The following AFF1 variants were observed in gnomAD, a reference collection of about 807,000 sequenced individuals.
AFF1 encodes ALF transcription elongation factor 1, also known as AF4/FMR2 family member 1.
Under a neutral mutation model 121.7 loss-of-function variants are expected in AFF1, and 48 were observed. The observed-to-expected ratio is 0.39, with a 90% CI of 0.31 to 0.50. The LOEUF (loss-of-function observed/expected upper bound fraction) is 0.50. Among genes scored for constraint, AFF1 ranks in the 20% least tolerant of loss-of-function variants. The pLI is 0.76. For missense variants in AFF1, 1,523 were observed against 1,511.7 expected (o/e 1.01, Z -0.12); for synonymous variants, 613 against 563.0 (o/e 1.09, Z -1.26).
intron 4 of AFF1, among the ~76,000 whole-genome samples, chr4:87,062,541 T>C (rs1311189370): frequency 9.8e-5 from 15 of 152,312 alleles, no homozygotes; most frequent in Admixed American, 6.5e-4. Flanking sequence ...ATGTTTTTTT[T>C]CCAAAAGAGT....
At chr4:87,087,347 AC>A (rs1471905505) in intron 5 of AFF1, among the ~76,000 whole-genome samples, 2 of 152,360 alleles carry the variant, frequency 1.3e-5, no homozygotes, top group East Asian at 3.9e-4. Flanking sequence ...GAATAATGCA[AC>A]AGGCCAGTAA....
chr4:87,029,333 C>G lies in AFF1; in HGVS notation c.39-16833C>G, dbSNP rs554170695. ...GTGATAAGAATATGTAAGAGGTTCA[C>G]TCTACCTCCATTTGAAGACAGAGGT... On this transcript the variant is annotated intron_variant, in intron 2 of 20. Coordinates refer to ENST00000395146, the MANE Select transcript of AFF1 (RefSeq NM_001166693.3). Among the ~76,000 whole-genome samples the G allele has an allele frequency of 1.1e-4, 17 of 152,302 alleles. No homozygotes were observed. In the East Asian group the frequency reaches 3.3e-3, roughly 29 times the overall value.
intron 2 of AFF1, among the ~76,000 whole-genome samples, chr4:86,972,417 G>C (rs1723011135): frequency 6.6e-6 from 1 of 152,104 alleles, no homozygotes; most frequent in South Asian, 2.1e-4. Flanking sequence ...TGGCTGGTTA[G>C]AGTAGAGATG....
chr4:87,064,270 A>G (rs562345136), intron 4 of AFF1, among the ~76,000 whole-genome samples: 1 of 152,348 alleles, frequency 6.6e-6, no homozygotes, highest in East Asian at 1.9e-4. Flanking sequence ...GGAAAGGTGT[A>G]AGATTAAACA....
chr4:87,111,004 T>TTATTTTATTTTA (rs1726448490), intron 11 of AFF1, among the ~76,000 whole-genome samples: 1 of 26,156 alleles, frequency 3.8e-5, no homozygotes, highest in African/African-American at 1.2e-4. Flanking sequence ...CTTTATTTTT[T>TTATTTTATTTTA]TTTTTTTATT....
At chr4:87,078,547 G>T (rs894823246) in intron 4 of AFF1, among the ~76,000 whole-genome samples, 29 of 152,162 alleles carry the variant, frequency 1.9e-4, no homozygotes, top group African/African-American at 6.8e-4. Context: ...GACAGTTTTG[G>T]GAGTAAGGGA....
chr4:86,943,250 C>T (rs1370355911), intron 1 of AFF1, among the ~76,000 whole-genome samples: 1 of 152,166 alleles, frequency 6.6e-6, no homozygotes, highest in Non-Finnish European at 1.5e-5. Flanking sequence ...GGTCCATGTG[C>T]ATTGGAGAGC....
intron 12 of AFF1, among the ~76,000 whole-genome samples, chr4:87,120,756 C>T (rs1045945334): frequency 6.6e-6 from 1 of 152,236 alleles, no homozygotes; most frequent in Non-Finnish European, 1.5e-5. Context: ...CCTGCAGATG[C>T]TCCCATCTTC....
chr4:86,991,156 C>CA (rs55706171), intron 2 of AFF1, among the ~76,000 whole-genome samples: 81 of 145,250 alleles, frequency 5.6e-4, no homozygotes, highest in South Asian at 8.9e-4. Flanking sequence ...AAAAACAAAA[C>CA]AAAAAAAAAC....
chr4:86,974,946 C>G (rs1723199584), intron 2 of AFF1, among the ~76,000 whole-genome samples: 1 of 152,154 alleles, frequency 6.6e-6, no homozygotes, highest in African/African-American at 2.4e-5. Flanking sequence ...GTTGCCTCTT[C>G]CATCCCCCTG....
At chr4:87,020,842 C>A (rs865964612) in intron 2 of AFF1, 1 of 984,924 alleles carries the variant, frequency 1.0e-6, no homozygotes. Context: ...TCAAATTGTC[C>A]TGTTTGGCAA....
In AFF1 at chr4:87,135,677, A is replaced by G. The variant is rs774707602; in HGVS notation, c.3633A>G (p.Leu1211=). The stretch of plus-strand genomic sequence containing the variant: ...ATACACGACAGGGTTTTCAGCAGCT[A>G]CAAGAATTAACCAAAACACCTTAAT... ...VHYTRQGFQQ[L]QELTKTP The change falls in exon 21 of 21, where the codon CTA becomes CTG. Residue 1211 remains leucine (L), a synonymous_variant. Transcript: ENST00000395146. The G allele has an allele frequency of 1.9e-6, 3 of 1,612,460 alleles. No individual in the cohort carries two copies. The highest frequency in any genetic ancestry group is 8.5e-7 in the Non-Finnish European group (1 of 1,179,292).
chr4:86,949,375 A>T (rs1168885249), intron 2 of AFF1, among the ~76,000 whole-genome samples: 4 of 150,580 alleles, frequency 2.7e-5, no homozygotes, highest in Non-Finnish European at 5.9e-5. Flanking sequence ...TCGGCCTCCC[A>T]AAGTGCTGGA....
At chr4:87,007,378 C>T (rs767537323) in intron 2 of AFF1, 17 of 1,613,546 alleles carry the variant, frequency 1.1e-5, no homozygotes, top group Middle Eastern at 1.6e-4. Context: ...CGCTCATGGA[C>T]GGAAGACCCC....
chr4:87,127,174 C>CCT (rs1560657625), intron 15 of AFF1, 57 bp downstream of exon 15: 5 of 1,251,346 alleles, frequency 4.0e-6, no homozygotes, highest in Non-Finnish European at 5.7e-6. Flanking sequence ...CTTCCCCCCC[C>CCT]CACCAAGATA....
At chr4:87,023,969 CAG>C (rs1232557545) in intron 2 of AFF1, among the ~76,000 whole-genome samples, 3 of 152,076 alleles carry the variant, frequency 2.0e-5, no homozygotes, top group Non-Finnish European at 2.9e-5. Context: ...CTTTTAAGGA[CAG>C]AGGATTATGT....
chr4:87,097,073 A>G (rs1042771176), intron 8 of AFF1, among the ~76,000 whole-genome samples: 4 of 152,210 alleles, frequency 2.6e-5, no homozygotes, highest in African/African-American at 9.6e-5. Flanking sequence ...GAAGCTCTGT[A>G]ATCTCCCCAG....
At chr4:87,133,137 T>A (rs1458236546) in intron 19 of AFF1, among the ~76,000 whole-genome samples, 2 of 152,254 alleles carry the variant, frequency 1.3e-5, no homozygotes, top group African/African-American at 4.8e-5. Context: ...TCCAGAGCCA[T>A]ATGCCACACC....
At chr4:87,046,451 C>G (rs996350211) in intron 3 of AFF1, among the ~76,000 whole-genome samples, 165 bp downstream of exon 3, 1 of 152,192 alleles carries the variant, frequency 6.6e-6, no homozygotes, top group Non-Finnish European at 1.5e-5. Flanking sequence ...TATGAAAATT[C>G]TCTGAAGGTT....
Sources: gnomAD v4.1 joint callset for allele counts (sites outside exome capture counted in the v4.1 genomes callset) on GRCh38, gnomAD v4.1.1 for gene constraint, MANE v1.5 for transcripts, NCBI Gene and HGNC (gene_info 2026-07-23, HGNC 2026-07-21) for gene names.